The following MPDZ variants were observed in gnomAD, a reference collection of about 807,000 sequenced individuals.
MPDZ encodes multiple PDZ domain protein.
MPDZ carries 234 observed loss-of-function variants against 239.1 expected under a neutral mutation model. The observed-to-expected ratio is 0.98, with a 90% confidence interval of 0.88 to 1.09. MPDZ has a LOEUF of 1.09. Ranked by LOEUF, MPDZ falls within the 50% of genes least tolerant of loss-of-function variation. The pLI is 0.00. For missense variants in MPDZ, 3,175 were observed against 2,510.0 expected (o/e 1.26, Z -5.66); for synonymous variants, 1,048 against 881.3 (o/e 1.19, Z -3.35).
chr9:13,216,442 G>A (rs564609010), intron 10 of MPDZ, among the ~76,000 whole-genome samples: 43 of 149,496 alleles, frequency 2.9e-4, no homozygotes, highest in Admixed American at 8.7e-4. Context: ...TAAAGGTACT[G>A]GACATCTGGT....
chr9:13,224,561 G>A lies in MPDZ; in HGVS notation c.206C>T (p.Thr69Ile), dbSNP rs1484091187. 1 of 1,610,242 alleles carries A rather than the reference G, an allele frequency of 6.2e-7. No individual in the cohort carries two copies. Among genetic ancestry groups the A allele is most frequent in the Non-Finnish European group, 8.5e-7 (1 of 1,177,752 alleles). ...AACGTGGGCATATTCAATATTTGAA[G>A]TTGCTGAAGTTGCAATATTTACCTA... ...KDQVNIATSA[T>I]SNIEYAHVPH... Residue 69 changes from threonine (T) to isoleucine (I), a missense_variant, in exon 4 of 47, where the codon ACT becomes ATT. By Grantham distance (89) the Thr-to-Ile change is moderately conservative. Coordinates refer to ENST00000319217, the MANE Select transcript of MPDZ (RefSeq NM_001378778.1).
chr9:13,160,759 T>C (rs1031419315), intron 23 of MPDZ, among the ~76,000 whole-genome samples: 2 of 143,322 alleles, frequency 1.4e-5, no homozygotes, highest in Non-Finnish European at 3.0e-5. Flanking sequence ...ACCAAAAATA[T>C]TTGGGAAAAA....
chr9:13,108,988 T>C lies in MPDZ; in HGVS notation c.6014A>G (p.Tyr2005Cys), dbSNP rs769926140. The C allele has an allele frequency of 1.7e-5, 27 of 1,606,802 alleles. No individual in the cohort carries two copies. The highest frequency in any genetic ancestry group is 1.0e-4 in the Admixed American group (6 of 59,272). The change falls in exon 46 of 47, where the codon TAT (tyrosine) becomes TGT (cysteine). Residue 2005 changes from tyrosine to cysteine, a missense_variant. By Grantham distance (194) the Tyr-to-Cys change is radical. Coordinates refer to ENST00000319217, the MANE Select transcript of MPDZ (RefSeq NM_001378778.1). ...DGLGFSIVGG[Y>C]GSPHGDLPIY... ...GGGTAAGTCTCCATGAGGGCTGCCA[T>C]ATCCTCCAACTATACTGAAGCCTAA... is the stretch of plus-strand genomic sequence containing the variant.
intron 28 of MPDZ, among the ~76,000 whole-genome samples, 171 bp from the exon 29 acceptor site, chr9:13,138,324 C>T (rs990037293): frequency 1.3e-5 from 2 of 152,252 alleles, no homozygotes; most frequent in African/African-American, 4.8e-5. Context: ...GACTGGTTTC[C>T]TGGAGGACCC....
chr9:13,242,903 G>C (rs565964263), intron 3 of MPDZ, among the ~76,000 whole-genome samples: 59 of 152,260 alleles, frequency 3.9e-4, no homozygotes, highest in Non-Finnish European at 7.5e-4. Context: ...AGCAGCTCCC[G>C]TATCTTCCAG....
chr9:13,167,636 A>G (rs1015589361), intron 22 of MPDZ, among the ~76,000 whole-genome samples: 1 of 152,148 alleles, frequency 6.6e-6, no homozygotes, highest in Non-Finnish European at 1.5e-5. Flanking sequence ...GTTATCCCTC[A>G]TACATTAAAA....
chr9:13,216,775 G>C lies in MPDZ; in HGVS notation c.1289C>G (p.Ala430Gly). 6.3e-7 allele frequency: 1 copy of C among 1,596,716 alleles called. No individual in the cohort carries two copies. Among genetic ancestry groups the C allele is most frequent in the Non-Finnish European group, 8.6e-7 (1 of 1,166,550 alleles). The change falls in exon 10 of 47, where the codon GCA becomes GGA. Residue 430 changes from alanine (A) to glycine (G), a missense_variant and splice_region_variant. Coordinates refer to ENST00000319217, the MANE Select transcript of MPDZ (RefSeq NM_001378778.1). ...GCTATTGTTAAATGTGTAACTTACTGCTATAATTTGGTCTCCAATTTGGAT... is the reference window on the plus strand; with the variant it reads ...GCTATTGTTAAATGTGTAACTTACTCCTATAATTTGGTCTCCAATTTGGAT... ...GRIQIGDQII[A>G]VDGTNLQGFT...
At chr9:13,186,057 C>T (rs979451418) in intron 18 of MPDZ, among the ~76,000 whole-genome samples, 3 of 152,050 alleles carry the variant, frequency 2.0e-5, no homozygotes, top group East Asian at 1.9e-4. Context: ...TACAATGCAA[C>T]GTTAATTAAG....
At chr9:13,275,516 C>T (rs2139484748) in intron 1 of MPDZ, among the ~76,000 whole-genome samples, 1 of 152,240 alleles carries the variant, frequency 6.6e-6, no homozygotes, top group East Asian at 1.9e-4. Context: ...TCAAGGCAGC[C>T]CTATCAAACT....
At chr9:13,244,244 A>T (rs888337696) in intron 3 of MPDZ, among the ~76,000 whole-genome samples, 1 of 152,172 alleles carries the variant, frequency 6.6e-6, no homozygotes, top group African/African-American at 2.4e-5. Flanking sequence ...ATGCAAATCC[A>T]ATATCCTCAA....
chr9:13,252,349 C>T (rs764674633), intron 1 of MPDZ, among the ~76,000 whole-genome samples: 5 of 151,828 alleles, frequency 3.3e-5, no homozygotes, highest in African/African-American at 7.3e-5. Context: ...GGGCGGATCA[C>T]GAGGTCAGGA....
chr9:13,134,995 C>G (rs1361804487), intron 31 of MPDZ: 2 of 152,360 alleles, frequency 1.3e-5, no homozygotes, highest in East Asian at 1.9e-4. Flanking sequence ...CTCTCTGTAG[C>G]AAGCACCTCA....
chr9:13,217,293 A>T lies in MPDZ; in HGVS notation c.1088T>A (p.Val363Asp). The change falls in exon 9 of 47, where the codon GTT becomes GAT. Residue 363 changes from valine (V) to aspartate (D), a missense_variant and splice_region_variant. Val to Asp is a radical substitution (Grantham distance 152, BLOSUM62 -3). Coordinates refer to ENST00000319217, the MANE Select transcript of MPDZ (RefSeq NM_001378778.1). ...TTCACCTTTCTGAGTAGAAGCATCA[A>T]CCTAAAATAAAATCAATAAATATAC... ...SSPTSTPELR[V>D]DASTQKGEES... is the part of the protein sequence containing the mutation. The T allele has an allele frequency of 6.4e-7, 1 of 1,567,632 alleles. No individual in the cohort carries two copies. The highest frequency in any genetic ancestry group is 8.7e-7 in the Non-Finnish European group (1 of 1,151,322).
At chr9:13,208,834 A>G (rs981808513) in intron 10 of MPDZ, among the ~76,000 whole-genome samples, 8 of 152,078 alleles carry the variant, frequency 5.3e-5, no homozygotes, top group Non-Finnish European at 7.4e-5. Context: ...ACCTTCTATG[A>G]TACTTCTGAG....
In MPDZ at chr9:13,143,445, A is replaced by AGACAATGGGCATTATCCAACCTTGTCGGC. The variant is rs1490979254; in HGVS notation, c.3832_3840+20dup. ...CATTTGCAAAAGGCAACCAACAGCAAGACAATGGGCATTATCCAACCTTGT... is the reference window on the plus strand; with the variant it reads ...CATTTGCAAAAGGCAACCAACAGCAAGACAATGGGCATTATCCAACCTTGTCGGCGACAATGGGCATTATCCAACCTTGT... On this transcript the variant is annotated intron_variant, in intron 27 of 46. Transcript: ENST00000319217. The AGACAATGGGCATTATCCAACCTTGTCGGC allele has an allele frequency of 8.9e-6, 14 of 1,577,644 alleles. No individual in the cohort carries two copies. Among genetic ancestry groups the AGACAATGGGCATTATCCAACCTTGTCGGC allele is most frequent in the Non-Finnish European group, 9.6e-6 (11 of 1,147,470 alleles).
At chr9:13,208,137 C>T (rs1412108) in intron 10 of MPDZ, among the ~76,000 whole-genome samples, 151,607 of 152,296 alleles carry the variant, frequency 1, 75,464 homozygotes, top group Middle Eastern at 1. Flanking sequence ...AGTAAATATG[C>T]GAAAATTATA....
intron 1 of MPDZ, among the ~76,000 whole-genome samples, chr9:13,272,559 C>G (rs1175220784): frequency 5.3e-5 from 8 of 151,670 alleles, no homozygotes; most frequent in African/African-American, 1.9e-4. Flanking sequence ...CCCCTGTAAT[C>G]CCAAATTAGA....
At chr9:13,117,641 C>T (rs1029043770) in intron 39 of MPDZ, among the ~76,000 whole-genome samples, 3 of 152,036 alleles carry the variant, frequency 2.0e-5, no homozygotes, top group African/African-American at 7.3e-5. Context: ...ACATTGCTTC[C>T]AATTTTCCCA....
chr9:13,252,498 G>A (rs1265664473), intron 1 of MPDZ, among the ~76,000 whole-genome samples: 4 of 150,668 alleles, frequency 2.7e-5, no homozygotes, highest in Admixed American at 6.6e-5. Context: ...CCAGGGAGGC[G>A]GAGGTTGCAG....
Sources: allele counts gnomAD v4.1 joint callset (sites outside exome capture counted in the v4.1 genomes callset), GRCh38; gene constraint gnomAD v4.1.1; transcripts MANE v1.5; gene names NCBI Gene and HGNC (gene_info 2026-07-23, HGNC 2026-07-21).